Variants in HPSE2 observed in about 807,000 individuals in gnomAD.
HPSE2 encodes the protein inactive heparanase-2.
A neutral mutation model predicts 60.5 loss-of-function variants in HPSE2; 38 were observed. The ratio of observed to expected loss-of-function variants is 0.63; its 90% CI spans 0.48 to 0.82. The LOEUF (loss-of-function observed/expected upper bound fraction) is 0.82, where lower values mean the gene tolerates loss of function less well. Among genes scored for constraint, HPSE2 ranks in the 40% least tolerant of loss-of-function variants. The pLI is 0.00. For synonymous variants in HPSE2, 295 were observed against 293.2 expected (o/e 1.01, Z -0.06); for missense variants, 713 against 740.4 (o/e 0.96, Z 0.43).
intron 3 of HPSE2, among the ~76,000 whole-genome samples, chr10:98,951,927 G>A (rs1167086546): frequency 1.3e-5 from 2 of 152,182 alleles, no homozygotes; most frequent in Non-Finnish European, 2.9e-5. Flanking sequence ...TCTTATAGAT[G>A]AGGAAATGAA....
chr10:99,078,362 T>C (rs1372228257), intron 3 of HPSE2, among the ~76,000 whole-genome samples: 6 of 152,124 alleles, frequency 3.9e-5, no homozygotes, highest in Non-Finnish European at 2.9e-5. Context: ...TGCTCAAGTC[T>C]CTAATATAAT....
At chr10:98,981,016 C>T (rs745690312) in intron 3 of HPSE2, among the ~76,000 whole-genome samples, 4 of 152,074 alleles carry the variant, frequency 2.6e-5, no homozygotes, top group Non-Finnish European at 5.9e-5. Flanking sequence ...CTCATGGAAT[C>T]TCTAGCCAAA....
intron 3 of HPSE2, among the ~76,000 whole-genome samples, chr10:99,134,217 A>G (rs1217073150): frequency 6.6e-6 from 1 of 152,220 alleles, no homozygotes; most frequent in African/African-American, 2.4e-5. Flanking sequence ...ATATGGGACT[A>G]TGTGAAAAAG....
chr10:98,911,153 T>A (rs1463844418), intron 3 of HPSE2, among the ~76,000 whole-genome samples: 1 of 152,168 alleles, frequency 6.6e-6, no homozygotes, highest in Non-Finnish European at 1.5e-5. Context: ...TCAACAAATG[T>A]GGCTGTAGTC....
At chr10:98,648,936 T>A (rs535852690) in intron 6 of HPSE2, among the ~76,000 whole-genome samples, 1 of 152,202 alleles carries the variant, frequency 6.6e-6, no homozygotes, top group South Asian at 2.1e-4. Context: ...CCTGCCCCCA[T>A]TCCCTTACCC....
intron 3 of HPSE2, among the ~76,000 whole-genome samples, chr10:98,822,425 A>T (rs773362184): frequency 2.0e-5 from 3 of 152,200 alleles, no homozygotes; most frequent in Non-Finnish European, 2.9e-5. Flanking sequence ...AATTTCAAGA[A>T]TAATCACTAA....
intron 3 of HPSE2, among the ~76,000 whole-genome samples, chr10:99,101,996 T>G (rs9664196): frequency 0.51 from 77,249 of 151,922 alleles, 21,407 homozygotes; most frequent in East Asian, 0.65. Flanking sequence ...TGTGTAGAGG[T>G]AAATTTATAG....
At chr10:98,675,976 G>C (rs970675078) in intron 6 of HPSE2, among the ~76,000 whole-genome samples, 3 of 151,888 alleles carry the variant, frequency 2.0e-5, no homozygotes, top group Non-Finnish European at 4.4e-5. Context: ...CCAGGAGATA[G>C]AGGCTGCAGT....
At chr10:99,195,175 A>G (rs1026240807) in intron 2 of HPSE2, among the ~76,000 whole-genome samples, 11 of 152,136 alleles carry the variant, frequency 7.2e-5, no homozygotes, top group Non-Finnish European at 1.2e-4. Context: ...TAAATTCAAC[A>G]TCCCTTCATG....
In HPSE2 at chr10:99,114,184, A is replaced by C. The variant is rs144067524; in HGVS notation, c.610+30054T>G. ...TTCCCCACCCAGGGGATTTCCTTGC[A>C]TATCTTCTGAAGTGCCTCTACACCC... On this transcript the variant is annotated intron_variant, in intron 3 of 11. Transcript: ENST00000370552. Among the ~76,000 whole-genome samples the C allele has an allele frequency of 1.4e-3, 214 of 152,314 alleles. 1 individual carries two copies. The highest frequency in any genetic ancestry group is 0.01 in the Middle Eastern group (3 of 294).
At chr10:98,507,828 T>G (rs1942253088) in intron 9 of HPSE2, among the ~76,000 whole-genome samples, 2 of 152,170 alleles carry the variant, frequency 1.3e-5, no homozygotes, top group Non-Finnish European at 2.9e-5. Flanking sequence ...TGGGTTCCAT[T>G]TTTATAATCA....
At chr10:98,889,819 T>G (rs1953282065) in intron 3 of HPSE2, among the ~76,000 whole-genome samples, 1 of 152,132 alleles carries the variant, frequency 6.6e-6, no homozygotes, top group Non-Finnish European at 1.5e-5. Context: ...TAACAAAACT[T>G]ACAGAGTTTG....
chr10:98,755,598 T>C (rs2134368622), intron 3 of HPSE2, among the ~76,000 whole-genome samples: 1 of 152,306 alleles, frequency 6.6e-6, no homozygotes, highest in Middle Eastern at 3.4e-3. Context: ...ACATGTTCTA[T>C]AATAGAAGAC....
At chr10:98,989,653 A>T (rs1393640659) in intron 3 of HPSE2, among the ~76,000 whole-genome samples, 2 of 147,074 alleles carry the variant, frequency 1.4e-5, no homozygotes, top group African/African-American at 4.9e-5. Context: ...TAATAAAAAA[A>T]AAAAAGAAAA....
chr10:98,607,810 T>C (rs1945636031), intron 9 of HPSE2, among the ~76,000 whole-genome samples: 1 of 152,206 alleles, frequency 6.6e-6, no homozygotes, highest in African/African-American at 2.4e-5. Context: ...ATATCAAATG[T>C]ATATTAGGTA....
chr10:99,315,419 G>C, the HPSE2 span, among the ~76,000 whole-genome samples: 130,625 of 152,270 alleles, frequency 0.86, 56,420 homozygotes, highest in African/African-American at 0.93. Context: ...TCTTTCCACC[G>C]TCGTTCACAG....
chr10:98,710,619 T>A (rs1948653012), intron 5 of HPSE2, among the ~76,000 whole-genome samples: 1 of 152,178 alleles, frequency 6.6e-6, no homozygotes, highest in African/African-American at 2.4e-5. Flanking sequence ...CTGACAGGCA[T>A]TTGGTAAGCA....
chr10:98,622,131 T>C (rs528044065), intron 7 of HPSE2, among the ~76,000 whole-genome samples: 1 of 152,204 alleles, frequency 6.6e-6, no homozygotes, highest in South Asian at 2.1e-4. Context: ...ATATACACTA[T>C]ACAATATTAT....
At chr10:99,103,482 G>A (rs1272329219) in intron 3 of HPSE2, among the ~76,000 whole-genome samples, 8 of 152,290 alleles carry the variant, frequency 5.3e-5, no homozygotes, top group Non-Finnish European at 1.2e-4. Flanking sequence ...TGAAATAAAA[G>A]AGGATACAAA....
Sources: allele counts gnomAD v4.1 joint callset (sites outside exome capture counted in the v4.1 genomes callset), GRCh38; gene constraint gnomAD v4.1.1; transcripts MANE v1.5; gene names NCBI Gene and HGNC (gene_info 2026-07-23, HGNC 2026-07-21).